KIAA1217: variants seen among roughly 807,000 people sequenced by gnomAD.
KIAA1217 encodes the protein sickle tail protein homolog.
In KIAA1217, 88 loss-of-function variants were observed where a neutral mutation model predicts 163.9. The ratio of observed to expected loss-of-function variants is 0.54; its 90% CI spans 0.45 to 0.64. The LOEUF (loss-of-function observed/expected upper bound fraction) is 0.64. Ranked by LOEUF, KIAA1217 falls within the 30% of genes least tolerant of loss-of-function variation. The probability of loss-of-function intolerance (pLI) is 0.00; values close to 1 mark genes in which losing one functional copy is unlikely to be tolerated. For missense variants in KIAA1217, 2,372 were observed against 2,475.0 expected (o/e 0.96, Z 0.88); for synonymous variants, 903 against 923.1 (o/e 0.98, Z 0.39).
intron 2 of KIAA1217, among the ~76,000 whole-genome samples, chr10:24,240,836 G>T (rs1489876141): frequency 6.6e-6 from 1 of 151,730 alleles, no homozygotes; most frequent in African/African-American, 2.4e-5. Flanking sequence ...ATGACTAGCA[G>T]TCAAGTAAGG....
intron 1 of KIAA1217, among the ~76,000 whole-genome samples, chr10:23,983,272 T>C (rs946776833): frequency 1.3e-5 from 2 of 152,170 alleles, no homozygotes; most frequent in African/African-American, 4.8e-5. Flanking sequence ...CTGAAACAAG[T>C]AATCCAATTG....
chr10:24,450,484 C>T (rs2061304024), intron 5 of KIAA1217, among the ~76,000 whole-genome samples: 1 of 152,158 alleles, frequency 6.6e-6, no homozygotes, highest in South Asian at 2.1e-4. Flanking sequence ...TGCAGTAATT[C>T]ACTCACAATA....
intron 1 of KIAA1217, among the ~76,000 whole-genome samples, chr10:23,998,315 C>A (rs945941013): frequency 6.6e-6 from 1 of 152,140 alleles, no homozygotes; most frequent in African/African-American, 2.4e-5. Flanking sequence ...AAAAATCAAA[C>A]CTCAATGCAG....
chr10:23,736,662 A>C (rs977605905), intron 1 of KIAA1217, among the ~76,000 whole-genome samples: 1 of 152,130 alleles, frequency 6.6e-6, no homozygotes, highest in Non-Finnish European at 1.5e-5. Flanking sequence ...AGTTGGGACC[A>C]CAGGGACATA....
At position 23,703,243 on chromosome 10, in the gene KIAA1217, A is replaced by T. The variant is rs991708716; in HGVS notation, c.-321+8009A>T. On this transcript the variant is annotated intron_variant, in intron 1 of 18. Transcript: ENST00000376462. ...TATGTATAGAGCAGAGAGATGTCCC[A>T]GCAAAGAAAGTGCAGTGTGGGAGTG... Among the ~76,000 whole-genome samples, 5 of 152,140 alleles carry T rather than the reference A, an allele frequency of 3.3e-5. No homozygotes were observed. In the South Asian group the frequency reaches 1.0e-3, roughly 32 times the overall value.
chr10:23,752,653 A>G (rs1839799712), intron 1 of KIAA1217, among the ~76,000 whole-genome samples: 1 of 152,130 alleles, frequency 6.6e-6, no homozygotes, highest in Admixed American at 6.5e-5. Flanking sequence ...ATCATTTTTG[A>G]CTATGTTTAC....
At chr10:24,070,013 A>AT (rs1397295911) in intron 2 of KIAA1217, among the ~76,000 whole-genome samples, 2 of 152,006 alleles carry the variant, frequency 1.3e-5, no homozygotes, top group African/African-American at 4.8e-5. Flanking sequence ...CTAAGTTTTA[A>AT]TTTTTTTGTA....
chr10:24,073,724 A>C (rs1415882221), intron 2 of KIAA1217, among the ~76,000 whole-genome samples: 1 of 152,144 alleles, frequency 6.6e-6, no homozygotes, highest in African/African-American at 2.4e-5. Context: ...GACTCCTCTG[A>C]ACTTCCAGAG....
intron 2 of KIAA1217, among the ~76,000 whole-genome samples, chr10:24,028,855 T>C (rs1286551713): frequency 1.3e-5 from 2 of 152,172 alleles, no homozygotes; most frequent in Non-Finnish European, 2.9e-5. Flanking sequence ...AGTGTTATGT[T>C]GAATATTTTA....
At chr10:24,074,852 A>G (rs1348337469) in intron 2 of KIAA1217, among the ~76,000 whole-genome samples, 1 of 151,746 alleles carries the variant, frequency 6.6e-6, no homozygotes, top group Non-Finnish European at 1.5e-5. Context: ...GGTTGCATCA[A>G]CATGCTTGGC....
intron 2 of KIAA1217, among the ~76,000 whole-genome samples, chr10:24,321,879 C>T (rs1011834664): frequency 1.3e-5 from 2 of 152,074 alleles, no homozygotes; most frequent in Non-Finnish European, 2.9e-5. Context: ...ATACTTAGTG[C>T]CACTGAACCG....
At chr10:24,504,744 A>G (rs2068114402) in intron 9 of KIAA1217, among the ~76,000 whole-genome samples, 1 of 152,238 alleles carries the variant, frequency 6.6e-6, no homozygotes, top group South Asian at 2.1e-4. Context: ...TAATTAAATC[A>G]TTGGAAAATC....
rs114296963 is a variant in KIAA1217, at chr10:24,044,179, G to A, written c.-171+36805G>A. Among the ~76,000 whole-genome samples, 290 of 152,192 alleles carry A rather than the reference G, an allele frequency of 1.9e-3. 2 individuals are homozygous for A. The highest frequency in any genetic ancestry group is 6.9e-3 in the African/African-American group (285 of 41,544). ...CAGTATTTTTTAAATCCAACACATTGTATCATATAGCACCAATAGAAACCT... is the reference window on the plus strand; with the variant it reads ...CAGTATTTTTTAAATCCAACACATTATATCATATAGCACCAATAGAAACCT... On this transcript the variant is annotated intron_variant, in intron 2 of 18. Transcript: ENST00000376462.
chr10:24,284,167 T>G (rs1174753274), intron 2 of KIAA1217, among the ~76,000 whole-genome samples: 1 of 152,136 alleles, frequency 6.6e-6, no homozygotes, highest in East Asian at 1.9e-4. Context: ...TTTGGCCTCC[T>G]AAAGTGCTGG....
chr10:23,825,113 C>T (rs1356187807), intron 1 of KIAA1217, among the ~76,000 whole-genome samples: 1 of 152,118 alleles, frequency 6.6e-6, no homozygotes, highest in Non-Finnish European at 1.5e-5. Flanking sequence ...CTGCACGCAC[C>T]TTTTGTTTCT....
Position 23,790,380 on chromosome 10 carries a change from TATATAC to T in KIAA1217, c.-321+95151_-321+95156del, listed in dbSNP as rs1301174246. ...ATGCATATATACATATACATATGTA[TATATAC>T]ATATGTATATATACATATATACATA... On this transcript the variant is annotated intron_variant, in intron 1 of 18. Coordinates refer to the KIAA1217 transcript ENST00000376462. 2.3e-4 allele frequency among the ~76,000 whole-genome samples: 19 copies of T among 81,244 alleles called. 5 individuals are homozygous for T. In the Admixed American group the frequency reaches 2.7e-3, roughly 12 times the overall value. The allele number at this position is 81,244 out of a possible 152,430, so 53.3% of individuals were successfully genotyped here.
At chr10:24,450,055 G>T (rs1373979357) in intron 5 of KIAA1217, among the ~76,000 whole-genome samples, 1 of 152,156 alleles carries the variant, frequency 6.6e-6, no homozygotes, top group Non-Finnish European at 1.5e-5. Context: ...GGGATTTAAA[G>T]TGCCAACACA....
chr10:23,811,237 T>G (rs1461826077), intron 1 of KIAA1217, among the ~76,000 whole-genome samples: 1 of 144,132 alleles, frequency 6.9e-6, no homozygotes, highest in Admixed American at 7.2e-5. Flanking sequence ...AGCGTGTATA[T>G]ATATTATATA....
intron 9 of KIAA1217, among the ~76,000 whole-genome samples, chr10:24,508,216 TA>T (rs2068621044): frequency 6.6e-6 from 1 of 152,140 alleles, no homozygotes; most frequent in African/African-American, 2.4e-5. Context: ...ATTGTTTTAA[TA>T]CGAAAAAAAT....
Sources: gnomAD v4.1 joint callset for allele counts (sites outside exome capture counted in the v4.1 genomes callset) on GRCh38, gnomAD v4.1.1 for gene constraint, MANE v1.5 for transcripts, NCBI Gene and HGNC (gene_info 2026-07-23, HGNC 2026-07-21) for gene names.